GPHN: variants seen among roughly 807,000 people sequenced by gnomAD.
The protein encoded by GPHN is gephyrin.
In GPHN, 17 loss-of-function variants were observed where a neutral mutation model predicts 95.5. That is an observed-to-expected ratio of 0.18 (90% CI 0.12 to 0.27). The LOEUF is 0.27. GPHN is among the 10% of genes least tolerant of loss of function. GPHN has a pLI of 1.00. For missense variants in GPHN, 660 were observed against 978.1 expected (o/e 0.67, Z 4.34); for synonymous variants, 320 against 322.5 (o/e 0.99, Z 0.08).
chr14:66,798,133 T>C (rs1344452312), intron 3 of GPHN, among the ~76,000 whole-genome samples: 1 of 152,024 alleles, frequency 6.6e-6, no homozygotes, highest in Non-Finnish European at 1.5e-5. Context: ...ATTGACTGAT[T>C]TGCATATGTT....
chr14:66,689,711 T>A (rs551002162), intron 2 of GPHN, among the ~76,000 whole-genome samples: 15 of 152,348 alleles, frequency 9.8e-5, no homozygotes, highest in African/African-American at 3.4e-4. Flanking sequence ...TTAGTCACGT[T>A]AATTTTCAAT....
chr14:67,128,432 C>A lies in GPHN; in HGVS notation c.1748+6055C>A, dbSNP rs374519366. Among the ~76,000 whole-genome samples, 38 of 152,146 alleles carry A rather than the reference C, an allele frequency of 2.5e-4. 1 individual carries two copies. The highest frequency in any genetic ancestry group is 1.8e-3 in the Admixed American group (28 of 15,274). ...CCACCGTGCCCGGCTGCTGTTTCTA[C>A]TTTTTTCCCAAAATACATTTTATTT... On this transcript the variant is annotated intron_variant, in intron 17 of 22. Coordinates refer to ENST00000478722, the MANE Select transcript of GPHN (RefSeq NM_020806.5).
At chr14:66,873,803 C>T (rs985944043) in intron 4 of GPHN, among the ~76,000 whole-genome samples, 1 of 152,166 alleles carries the variant, frequency 6.6e-6, no homozygotes, top group South Asian at 2.1e-4. Context: ...GGACAGAGCA[C>T]CTGTGGGAAG....
the GPHN span, among the ~76,000 whole-genome samples, chr14:67,469,063 A>C: frequency 3.9e-5 from 6 of 152,136 alleles, no homozygotes; most frequent in East Asian, 1.2e-3. Context: ...ACTACCTTGT[A>C]TATTTGTTTA....
chr14:66,901,935 A>G (rs1023420285), intron 5 of GPHN, among the ~76,000 whole-genome samples: 10 of 151,928 alleles, frequency 6.6e-5, no homozygotes, highest in African/African-American at 2.2e-4. Context: ...ATTTTGATAG[A>G]GATTCCACTG....
chr14:67,382,003 CT>C, the GPHN span, among the ~76,000 whole-genome samples: 9 of 152,180 alleles, frequency 5.9e-5, no homozygotes, highest in East Asian at 1.4e-3. Flanking sequence ...AAGAGTAACA[CT>C]TTCTTCTATC....
intron 2 of GPHN, among the ~76,000 whole-genome samples, chr14:66,708,729 A>G (rs1369486880): frequency 6.6e-6 from 1 of 152,052 alleles, no homozygotes; most frequent in Non-Finnish European, 1.5e-5. Context: ...TGAATATTTT[A>G]TATTTTTAAA....
chr14:67,483,514 G>A, the GPHN span, among the ~76,000 whole-genome samples: 1 of 152,190 alleles, frequency 6.6e-6, no homozygotes, highest in Non-Finnish European at 1.5e-5. Context: ...CAAGGAGAAG[G>A]TTGTGAACTT....
the GPHN span, among the ~76,000 whole-genome samples, chr14:67,220,921 T>C: frequency 6.6e-6 from 1 of 152,352 alleles, no homozygotes. Context: ...AATTATGTCT[T>C]TGCATGTTTA....
chr14:66,508,191 T>C lies in GPHN; in HGVS notation c.-337T>C, dbSNP rs538933375. ...CATCTAGCTGCCTTGGGTCTCGCGC[T>C]CCGCAGAGCGTTCCGACACTCTCCG... On this transcript the variant is annotated 5_prime_UTR_variant, in exon 1 of 23. Coordinates refer to ENST00000478722, the MANE Select transcript of GPHN (RefSeq NM_020806.5). 15 of 494,210 alleles carry C rather than the reference T, an allele frequency of 3.0e-5. No individual in the cohort carries two copies. The highest frequency in any genetic ancestry group is 6.7e-5 in the Admixed American group (2 of 29,956). The allele number at this position is 494,210 out of a possible 1,614,324, so 30.6% of individuals were successfully genotyped here.
At chr14:67,276,332 T>C in the GPHN span, among the ~76,000 whole-genome samples, 1 of 152,352 alleles carries the variant, frequency 6.6e-6, no homozygotes, top group South Asian at 2.1e-4. Context: ...AGTGCCATTC[T>C]GTCATACTCT....
the GPHN span, among the ~76,000 whole-genome samples, chr14:67,480,299 C>G: frequency 1.3e-5 from 2 of 152,180 alleles, no homozygotes; most frequent in South Asian, 4.2e-4. Context: ...GAGCACCAAG[C>G]TAGCGAGCCA....
At chr14:67,174,509 T>C (rs1265647151) in intron 21 of GPHN, among the ~76,000 whole-genome samples, 1 of 152,190 alleles carries the variant, frequency 6.6e-6, no homozygotes, top group African/African-American at 2.4e-5. Flanking sequence ...GTTCCAAGTC[T>C]TTGCTGCTGT....
intron 1 of GPHN, among the ~76,000 whole-genome samples, chr14:66,559,843 G>T (rs1355690355): frequency 6.6e-6 from 1 of 152,022 alleles, no homozygotes; most frequent in East Asian, 1.9e-4. Context: ...GTAATGCCTA[G>T]GTTTTTTTCT....
intron 2 of GPHN, among the ~76,000 whole-genome samples, chr14:66,697,144 A>G (rs1180247051): frequency 6.6e-6 from 1 of 152,168 alleles, no homozygotes; most frequent in African/African-American, 2.4e-5. Flanking sequence ...TCATCTTTTA[A>G]TAAGTATTAG....
chr14:67,159,615 G>A (rs1445270172), intron 19 of GPHN, 127 bp downstream of exon 19: 3 of 736,546 alleles, frequency 4.1e-6, no homozygotes, highest in Non-Finnish European at 5.0e-6. Context: ...AAGAAATATA[G>A]TATTAGGATC....
chr14:67,198,351 C>A, the GPHN span: 2 of 1,574,156 alleles, frequency 1.3e-6, no homozygotes, highest in Non-Finnish European at 8.7e-7. Context: ...GAGTTAAGTT[C>A]CAATAACTTC....
chr14:66,943,342 T>C (rs1051928150), intron 8 of GPHN, among the ~76,000 whole-genome samples: 84 of 152,228 alleles, frequency 5.5e-4, no homozygotes, highest in African/African-American at 2.0e-3. Flanking sequence ...TTTACTTTAA[T>C]GTAAAACCTG....
intron 4 of GPHN, among the ~76,000 whole-genome samples, chr14:66,853,476 C>T (rs1007906340): frequency 6.6e-6 from 1 of 152,138 alleles, no homozygotes; most frequent in Non-Finnish European, 1.5e-5. Context: ...ACACACAGTT[C>T]CACATGGCTG....
Sources: allele counts gnomAD v4.1 joint callset (sites outside exome capture counted in the v4.1 genomes callset), GRCh38; gene constraint gnomAD v4.1.1; transcripts MANE v1.5; gene names NCBI Gene and HGNC (gene_info 2026-07-23, HGNC 2026-07-21).